RBFOX1: variants seen among roughly 807,000 people sequenced by gnomAD.
The protein encoded by RBFOX1 is RNA binding fox-1 homolog 1.
In RBFOX1, 8 loss-of-function variants were observed where a neutral mutation model predicts 57.7. The ratio of observed to expected loss-of-function variants is 0.14; its 90% CI spans 0.08 to 0.25. RBFOX1 has a LOEUF of 0.25. Ranked by LOEUF, RBFOX1 falls within the 10% of genes least tolerant of loss-of-function variation. RBFOX1 has a pLI of 1.00. For synonymous variants in RBFOX1, 326 were observed against 222.4 expected, an observed-to-expected ratio of 1.47 and a Z score of -4.15; for missense variants, 611 against 548.5, an observed-to-expected ratio of 1.11 and a Z score of -1.14.
At chr16:7,429,140 C>A (rs941140375) in intron 4 of RBFOX1, among the ~76,000 whole-genome samples, 1 of 152,158 alleles carries the variant, frequency 6.6e-6, no homozygotes, top group Non-Finnish European at 1.5e-5. Flanking sequence ...TTTCTGACAT[C>A]TCCTGATGTG....
At chr16:6,033,054 T>G (rs575793480) in intron 1 of RBFOX1, among the ~76,000 whole-genome samples, 13 of 152,174 alleles carry the variant, frequency 8.5e-5, no homozygotes, top group African/African-American at 2.9e-4. Context: ...GCCTTGTCGT[T>G]TGTCATCTGA....
chr16:5,902,540 C>T (rs182564458), intron 4 of RBFOX1, among the ~76,000 whole-genome samples: 11 of 152,198 alleles, frequency 7.2e-5, no homozygotes, highest in Middle Eastern at 3.4e-3. Context: ...GCCAGCCACC[C>T]GAGTAGCTGG....
At chr16:7,408,790 T>C (rs1209647826) in intron 4 of RBFOX1, among the ~76,000 whole-genome samples, 1 of 152,116 alleles carries the variant, frequency 6.6e-6, no homozygotes, top group African/African-American at 2.4e-5. Context: ...TCCCTCCTTG[T>C]TGTGTTGTTA....
intron 3 of RBFOX1, among the ~76,000 whole-genome samples, chr16:6,860,436 G>A (rs1259112779): frequency 1.3e-5 from 2 of 152,162 alleles, no homozygotes; most frequent in Non-Finnish European, 2.9e-5. Flanking sequence ...CTAAGACGCG[G>A]GGGCAGCGGG....
intron 4 of RBFOX1, among the ~76,000 whole-genome samples, chr16:7,125,550 A>C (rs939654535): frequency 1.3e-5 from 2 of 152,170 alleles, no homozygotes; most frequent in African/African-American, 4.8e-5. Flanking sequence ...ATAACTTATG[A>C]TGTGCCAAGT....
chr16:6,745,361 C>T (rs12918308), intron 3 of RBFOX1, among the ~76,000 whole-genome samples: 1 of 146,886 alleles, frequency 6.8e-6, no homozygotes, highest in African/African-American at 2.7e-5. Context: ...CCCCCGAAAC[C>T]ACAGACTAGT....
At chr16:7,335,615 T>C (rs919078428) in intron 4 of RBFOX1, among the ~76,000 whole-genome samples, 3 of 142,620 alleles carry the variant, frequency 2.1e-5, no homozygotes, top group African/African-American at 7.8e-5. Flanking sequence ...AAAAACCAAG[T>C]GATTTACCAG....
intron 2 of RBFOX1, among the ~76,000 whole-genome samples, chr16:5,522,597 C>G (rs544212874): frequency 3.9e-5 from 6 of 152,288 alleles, no homozygotes; most frequent in Non-Finnish European, 7.4e-5. Context: ...ACATTCTTAA[C>G]TATAGTCACT....
At chr16:6,677,440 T>G (rs1223401811) in intron 3 of RBFOX1, among the ~76,000 whole-genome samples, 4 of 152,166 alleles carry the variant, frequency 2.6e-5, no homozygotes, top group Non-Finnish European at 5.9e-5. Context: ...ATGGACTTAT[T>G]GCCCCTAAAA....
At chr16:5,467,104 A>G in intron 1 of RBFOX1, 1 of 1,247,554 alleles carries the variant, frequency 8.0e-7, no homozygotes. Context: ...TGAATGAATA[A>G]AACATTCTTT....
chr16:7,645,473 T>A (rs114101055), intron 11 of RBFOX1, among the ~76,000 whole-genome samples: 169 of 152,296 alleles, frequency 1.1e-3, no homozygotes, highest in African/African-American at 3.9e-3. Flanking sequence ...TTCATAATAT[T>A]TTTATCGACA....
At chr16:7,512,312 T>G (rs2075311509) in intron 4 of RBFOX1, among the ~76,000 whole-genome samples, 1 of 152,200 alleles carries the variant, frequency 6.6e-6, no homozygotes, top group South Asian at 2.1e-4. Flanking sequence ...TCAGTGTATT[T>G]TTCCAGAAAA....
At chr16:6,257,339 G>A (rs940673057) in intron 1 of RBFOX1, among the ~76,000 whole-genome samples, 1 of 152,006 alleles carries the variant, frequency 6.6e-6, no homozygotes, top group Non-Finnish European at 1.5e-5. Flanking sequence ...TTCACTCCCA[G>A]CAGGGATGTT....
chr16:6,880,642 C>T (rs959251823), intron 3 of RBFOX1, among the ~76,000 whole-genome samples: 2 of 152,092 alleles, frequency 1.3e-5, no homozygotes, highest in African/African-American at 2.4e-5. Flanking sequence ...AAAATCAACC[C>T]AAATAAAATT....
chr16:5,639,845 A>G (rs1321948570), intron 3 of RBFOX1, among the ~76,000 whole-genome samples: 4 of 152,182 alleles, frequency 2.6e-5, no homozygotes, highest in Non-Finnish European at 5.9e-5. Flanking sequence ...GAGTTTCTTC[A>G]TCTTGTGCCT....
intron 1 of RBFOX1, among the ~76,000 whole-genome samples, chr16:5,303,686 A>C (rs1184322080): frequency 6.6e-6 from 1 of 152,002 alleles, no homozygotes; most frequent in Non-Finnish European, 1.5e-5. Flanking sequence ...ATAGGTGTTG[A>C]ATTATTGTTC....
At chr16:5,924,220 T>C (rs2058895341) in intron 4 of RBFOX1, among the ~76,000 whole-genome samples, 1 of 152,206 alleles carries the variant, frequency 6.6e-6, no homozygotes, top group African/African-American at 2.4e-5. Context: ...GTGAGTCAAT[T>C]AAACCTCTTT....
chr16:7,286,022 G>C (rs1487768419), intron 4 of RBFOX1, among the ~76,000 whole-genome samples: 1 of 152,128 alleles, frequency 6.6e-6, no homozygotes, highest in African/African-American at 2.4e-5. Flanking sequence ...TTGTCTGCTT[G>C]TTTGTATCTT....
intron 2 of RBFOX1, among the ~76,000 whole-genome samples, chr16:5,535,512 C>T (rs2044658781): frequency 6.6e-6 from 1 of 152,178 alleles, no homozygotes; most frequent in African/African-American, 2.4e-5. Flanking sequence ...TTTACAAATC[C>T]AGCTGGCAAA....
Sources: allele counts gnomAD v4.1 joint callset (sites outside exome capture counted in the v4.1 genomes callset), GRCh38; gene constraint gnomAD v4.1.1; transcripts MANE v1.5; gene names NCBI Gene and HGNC (gene_info 2026-07-23, HGNC 2026-07-21).